The following SLMAP variants were observed in gnomAD, a reference collection of about 807,000 sequenced individuals.
The protein encoded by SLMAP is sarcolemmal membrane-associated protein.
Under a neutral mutation model 128.8 loss-of-function variants are expected in SLMAP, and 44 were observed. That is an observed-to-expected ratio of 0.34 (90% CI 0.27 to 0.44). The LOEUF (loss-of-function observed/expected upper bound fraction) is 0.44, where lower values mean the gene tolerates loss of function less well. SLMAP is among the 20% of genes least tolerant of loss of function. The pLI, the probability that SLMAP is intolerant of heterozygous loss-of-function variation, is 1.00. For missense variants in SLMAP, 787 were observed against 985.3 expected (o/e 0.80, Z 2.69); for synonymous variants, 327 against 348.8 (o/e 0.94, Z 0.70).
At chr3:57,886,852 A>G (rs2095903643) in intron 14 of SLMAP, among the ~76,000 whole-genome samples, 1 of 152,120 alleles carries the variant, frequency 6.6e-6, no homozygotes, top group South Asian at 2.1e-4. Context: ...ATATTGTTTT[A>G]TTTATATGAA....
At chr3:57,843,304 C>CTTTT (rs1560197925) in intron 4 of SLMAP, among the ~76,000 whole-genome samples, 2 of 95,074 alleles carry the variant, frequency 2.1e-5, no homozygotes, top group Admixed American at 1.2e-4. Flanking sequence ...TCTTTCTTTT[C>CTTTT]CTTTTTTTTT....
chr3:57,795,156 T>C (rs528374266), intron 2 of SLMAP, among the ~76,000 whole-genome samples: 1 of 152,366 alleles, frequency 6.6e-6, no homozygotes, highest in East Asian at 1.9e-4. Flanking sequence ...AATAATCTGA[T>C]AATCTAATGA....
intron 17 of SLMAP, among the ~76,000 whole-genome samples, chr3:57,906,300 C>CTTTTTTTTCTTTTTTTTTT (rs2096541411): frequency 8.4e-5 from 6 of 71,288 alleles, no homozygotes; most frequent in African/African-American, 2.9e-4. Context: ...AAATTTTTTT[C>CTTTTTTTTCTTTTTTTTTT]TTTTTTTTTC....
intron 22 of SLMAP, chr3:57,917,400 T>G (rs898434957): frequency 2.9e-5 from 11 of 383,346 alleles, no homozygotes; most frequent in African/African-American, 2.3e-4. Context: ...CGTATGTAAC[T>G]TAGCATACTT....
intron 14 of SLMAP, among the ~76,000 whole-genome samples, chr3:57,888,541 C>T (rs771454050): frequency 5.3e-5 from 8 of 151,450 alleles, no homozygotes; most frequent in Admixed American, 3.9e-4. Flanking sequence ...CATTTGAACC[C>T]GGGAGGCAGA....
chr3:57,806,763 C>T (rs1316650611), intron 2 of SLMAP, among the ~76,000 whole-genome samples: 3 of 152,144 alleles, frequency 2.0e-5, no homozygotes, highest in Non-Finnish European at 4.4e-5. Context: ...TCCAATCTAT[C>T]ATTGATGGGC....
intron 2 of SLMAP, among the ~76,000 whole-genome samples, chr3:57,769,787 A>T (rs973175919): frequency 6.6e-6 from 1 of 152,058 alleles, no homozygotes; most frequent in Admixed American, 6.6e-5. Flanking sequence ...TGAATGTCTT[A>T]CTCTTGGTTG....
At chr3:57,828,652 A>G (rs2093099922) in intron 2 of SLMAP, among the ~76,000 whole-genome samples, 1 of 152,218 alleles carries the variant, frequency 6.6e-6, no homozygotes. Context: ...GGTTGAAAGC[A>G]GAAGAAGAAC....
chr3:57,797,649 A>T (rs746769576), intron 2 of SLMAP, among the ~76,000 whole-genome samples: 9 of 152,208 alleles, frequency 5.9e-5, no homozygotes, highest in Non-Finnish European at 1.2e-4. Flanking sequence ...TAAGTATTTT[A>T]TACTTGGAAA....
At chr3:57,915,862 A>G (rs980819827) in intron 21 of SLMAP, among the ~76,000 whole-genome samples, 6 of 152,156 alleles carry the variant, frequency 3.9e-5, no homozygotes, top group African/African-American at 1.4e-4. Context: ...ACATCCAGTT[A>G]TAAAAGTGAT....
chr3:57,820,826 C>T (rs1241540404), intron 2 of SLMAP, among the ~76,000 whole-genome samples: 2 of 152,174 alleles, frequency 1.3e-5, no homozygotes, highest in Non-Finnish European at 2.9e-5. Flanking sequence ...CTTAGAAATT[C>T]TCATTTTAGG....
chr3:57,842,230 G>T (rs1323787622), intron 4 of SLMAP, among the ~76,000 whole-genome samples: 2 of 152,162 alleles, frequency 1.3e-5, no homozygotes, highest in African/African-American at 4.8e-5. Flanking sequence ...CGTGCTTTCA[G>T]TAGAATCATT....
intron 14 of SLMAP, 161 bp from the exon 15 acceptor site, chr3:57,889,880 G>A (rs113565866): frequency 1.9e-6 from 1 of 526,612 alleles, no homozygotes; most frequent in African/African-American, 1.9e-5. Flanking sequence ...CATAGTTCCA[G>A]TTCTCTTAGT....
rs1253616442 is a variant in SLMAP at position 57,928,786 on chromosome 3, G to A, written c.*1497G>A. The A allele has an allele frequency of 2.0e-5, 3 of 152,362 alleles. No homozygotes were observed. The highest frequency in any genetic ancestry group is 7.2e-5 in the African/African-American group (3 of 41,432). The allele number at this position is 152,362 out of a possible 1,614,324, so 9.4% of individuals were successfully genotyped here. ...ATAATTTGCCTTGTGATGTTTGGCA[G>A]TCACTGTTTATACTTTAAAGGTTAT... On this transcript the variant is annotated 3_prime_UTR_variant, in exon 25 of 25. Coordinates refer to ENST00000671191, the MANE Select transcript of SLMAP (RefSeq NM_001377540.1).
At chr3:57,826,964 C>A (rs1172834635) in intron 2 of SLMAP, among the ~76,000 whole-genome samples, 1 of 152,148 alleles carries the variant, frequency 6.6e-6, no homozygotes, top group Non-Finnish European at 1.5e-5. Context: ...ACTGTGTCAC[C>A]TACTTTTGTT....
intron 2 of SLMAP, among the ~76,000 whole-genome samples, chr3:57,764,523 G>T (rs2079290736): frequency 6.7e-6 from 1 of 149,424 alleles, no homozygotes. Flanking sequence ...GAAAAGAAAA[G>T]AAAGAAAGAG....
intron 3 of SLMAP, among the ~76,000 whole-genome samples, chr3:57,835,350 A>T (rs1025360797): frequency 6.6e-6 from 1 of 151,730 alleles, no homozygotes; most frequent in African/African-American, 2.4e-5. Flanking sequence ...GCTACTCCAG[A>T]GGCTGAGGTG....
At chr3:57,766,001 T>C (rs1394921997) in intron 2 of SLMAP, among the ~76,000 whole-genome samples, 3 of 134,822 alleles carry the variant, frequency 2.2e-5, no homozygotes, top group African/African-American at 9.0e-5. Context: ...ATTTTCTTTC[T>C]TTTTTTTTTT....
At chr3:57,838,906 T>A in intron 3 of SLMAP, among the ~76,000 whole-genome samples, 1 of 152,190 alleles carries the variant, frequency 6.6e-6, no homozygotes, top group East Asian at 1.9e-4. Flanking sequence ...GCCATGGTTA[T>A]TGTGCTGGGC....
Sources: allele counts gnomAD v4.1 joint callset (sites outside exome capture counted in the v4.1 genomes callset), GRCh38; gene constraint gnomAD v4.1.1; transcripts MANE v1.5; gene names NCBI Gene and HGNC (gene_info 2026-07-23, HGNC 2026-07-21).